TNFRSF25: variants seen among roughly 807,000 people sequenced by gnomAD.
TNFRSF25 encodes tumor necrosis factor receptor superfamily member 25.
TNFRSF25 carries 28 observed loss-of-function variants against 49.4 expected under a neutral mutation model. The ratio of observed to expected loss-of-function variants is 0.57; its 90% CI spans 0.42 to 0.78. The LOEUF is 0.78. TNFRSF25 is among the 30% of genes least tolerant of loss of function. The probability of loss-of-function intolerance (pLI) is 0.00; values close to 1 mark genes in which losing one functional copy is unlikely to be tolerated. For synonymous variants in TNFRSF25, 240 were observed against 234.2 expected (o/e 1.02, Z -0.23); for missense variants, 531 against 581.6 (o/e 0.91, Z 0.90).
At position 6,462,308 on chromosome 1, in the gene TNFRSF25, C is replaced by G; in HGVS notation, c.745-134G>C. On this transcript the variant is annotated intron_variant, in intron 8 of 9. Transcript: ENST00000356876. This position sits in a 1 kb window ranked among gnomAD's most constrained non-coding sequence, Gnocchi z 4.2. Reference sequence around the variant, plus strand: ...CGCAATGACACCTCCCACAGTTGGCCCTGCTCTCACTGTAGCCCAGCAGAA... The same window carrying G: ...CGCAATGACACCTCCCACAGTTGGCGCTGCTCTCACTGTAGCCCAGCAGAA... 2 of 1,262,620 alleles carry G rather than the reference C, an allele frequency of 1.6e-6. No homozygotes were observed. The highest frequency in any genetic ancestry group is 2.1e-6 in the Non-Finnish European group (2 of 930,670). The allele number at this position is 1,262,620 out of a possible 1,614,324, so 78.2% of individuals were successfully genotyped here.
intron 5 of TNFRSF25, chr1:6,464,141 G>A: frequency 1.0e-5 from 14 of 1,397,592 alleles, no homozygotes; most frequent in Non-Finnish European, 1.3e-5. Context: ...GATCGCTGGG[G>A]GGAATGCTGG....
At chr1:6,464,794 T>C (rs1309664940) in intron 3 of TNFRSF25, 75 bp from the exon 4 acceptor site, 1 of 1,525,798 alleles carries the variant, frequency 6.6e-7, no homozygotes, top group African/African-American at 1.4e-5. Flanking sequence ...GCAGAGGCAT[T>C]ATCCCAAGAT....
At chr1:6,463,967 A>T in intron 5 of TNFRSF25, 1 of 202,878 alleles carries the variant, frequency 4.9e-6, no homozygotes, top group Non-Finnish European at 8.7e-6. Flanking sequence ...TAATAGATTT[A>T]ATATTTATTT....
intron 3 of TNFRSF25, 117 bp from the exon 4 acceptor site, chr1:6,464,836 G>T: frequency 7.6e-7 from 1 of 1,316,872 alleles, no homozygotes; most frequent in Admixed American, 2.2e-5. Flanking sequence ...AAGACAGACA[G>T]GTACAGGGCT....
In TNFRSF25 at chr1:6,462,418, T is replaced by C; in HGVS notation, c.744+211A>G. 7.7e-7 allele frequency: 1 copy of C among 1,295,858 alleles called. No homozygotes were observed. The highest frequency in any genetic ancestry group is 1.0e-6 in the Non-Finnish European group (1 of 968,718). The allele number at this position is 1,295,858 out of a possible 1,614,324, so 80.3% of individuals were successfully genotyped here. ...TGGGGCTCTCCTTCCATTGAACTGT[T>C]AGCTCCTGTGTACGAATCTGAACTC... On this transcript the variant is annotated intron_variant, in intron 8 of 9. Transcript: ENST00000356876. This position sits in a 1 kb window ranked among gnomAD's most constrained non-coding sequence, Gnocchi z 4.2.
Position 6,462,290 on chromosome 1 carries a change from A to G in TNFRSF25, c.745-116T>C. 7.4e-7 allele frequency: 1 copy of G among 1,349,356 alleles called. No homozygotes were observed. Among genetic ancestry groups the G allele is most frequent in the East Asian group, 2.4e-5 (1 of 41,530 alleles). The allele number at this position is 1,349,356 out of a possible 1,614,324, so 83.6% of individuals were successfully genotyped here. A position where few individuals can be genotyped will look rare whatever the true frequency, so the allele number is the denominator to read the frequency against. ...TCAGTCAGCAGACACCCCCGCAATG[A>G]CACCTCCCACAGTTGGCCCTGCTCT... On this transcript the variant is annotated intron_variant, in intron 8 of 9. Coordinates refer to ENST00000356876, the MANE Select transcript of TNFRSF25 (RefSeq NM_003790.3). The surrounding 1 kb of genome is among the most constrained non-coding windows in gnomAD (Gnocchi z 4.2).
Position 6,462,530 on chromosome 1 carries a change from C to CTA in TNFRSF25, c.744+97_744+98dup. ...CTCCCAACACCTCTGTCCACTAGGG[C>CTA]TACCCGGTGCTGGCCGCGTGCCAAG... On this transcript the variant is annotated intron_variant, in intron 8 of 9. Transcript: ENST00000356876. This position sits in a 1 kb window ranked among gnomAD's most constrained non-coding sequence, Gnocchi z 4.2. The CTA allele has an allele frequency of 8.4e-6, 13 of 1,552,062 alleles. No homozygotes were observed. Among genetic ancestry groups the CTA allele is most frequent in the Non-Finnish European group, 1.1e-5 (13 of 1,150,470 alleles).
In TNFRSF25 at chr1:6,461,775, CAGAG is replaced by C. The variant is rs1557724883; in HGVS notation, c.926-17_926-14del. 1.3e-6 allele frequency: 2 copies of C among 1,503,316 alleles called. No homozygotes were observed. The highest frequency in any genetic ancestry group is 1.8e-6 in the Non-Finnish European group (2 of 1,127,578). The allele number at this position is 1,503,316 out of a possible 1,614,324, so 93.1% of individuals were successfully genotyped here. ...GCAGCAGCGGGGCCTGGGGCAGGGC[CAGAG>C]AGAGCCAATTGGGGTACGTGGGCCG... On this transcript the variant is annotated splice_polypyrimidine_tract_variant and intron_variant, in intron 9 of 9. Coordinates refer to ENST00000356876, the MANE Select transcript of TNFRSF25 (RefSeq NM_003790.3). The surrounding 1 kb of genome is among the most constrained non-coding windows in gnomAD (Gnocchi z 6.3).
chr1:6,463,217 A>G, intron 5 of TNFRSF25, 90 bp from the exon 6 acceptor site: 1 of 1,327,372 alleles, frequency 7.5e-7, no homozygotes, highest in Non-Finnish European at 1.0e-6. Context: ...CATCCTAGAG[A>G]CCCTTCCCTC....
At position 6,461,078 on chromosome 1, in the gene TNFRSF25, CG is replaced by C. The variant is rs1445107419; in HGVS notation, c.*355del. The C allele has an allele frequency of 4.0e-6, 2 of 501,340 alleles. No homozygotes were observed. The highest frequency in any genetic ancestry group is 3.9e-5 in the African/African-American group (2 of 51,398). 31.1% of individuals were successfully genotyped at this position (501,340 alleles called of 1,614,324 possible). On this transcript the variant is annotated 3_prime_UTR_variant, in exon 10 of 10. Coordinates refer to ENST00000356876, the MANE Select transcript of TNFRSF25 (RefSeq NM_003790.3). This position sits in a 1 kb window ranked among gnomAD's most constrained non-coding sequence, Gnocchi z 6.3. ...CCAGATCCCGGGGTGACAAGATTCC[CG>C]TCCCCTTCGAATCCCTCGAGAAAAG...
Position 6,462,981 on chromosome 1 carries a change from C to A in TNFRSF25, c.599-11G>T. 2.5e-6 allele frequency: 4 copies of A among 1,581,438 alleles called. No individual in the cohort carries two copies. In the South Asian group the frequency reaches 4.6e-5, roughly 18 times the overall value. On this transcript the variant is annotated splice_polypyrimidine_tract_variant and intron_variant, in intron 6 of 9. Transcript: ENST00000356876. This position sits in a 1 kb window ranked among gnomAD's most constrained non-coding sequence, Gnocchi z 4.2. ...CCTGGACCCAGAACACTGAAAGCAG[C>A]TGGTGGGTGTTGGGTGGTTGCCCCC...
chr1:6,465,130 G>A lies in TNFRSF25; in HGVS notation c.253C>T (p.His85Tyr), dbSNP rs777721102. The A allele has an allele frequency of 1.2e-6, 2 of 1,614,020 alleles. No individual in the cohort carries two copies. Among genetic ancestry groups the A allele is most frequent in the Admixed American group, 3.3e-5 (2 of 60,008 alleles). Residue 85 changes from histidine to tyrosine, a missense_variant, in exon 3 of 10, where the codon CAT (histidine) becomes TAT (tyrosine). His to Tyr is a moderately conservative substitution (Grantham distance 83). Transcript: ENST00000356876. ...TGGCAGCGGGCACATTCAGAATTAT[G>A]GTGGTTCTCCCAGGCCAAGAAGGTG... Reference protein sequence around the residue: ...QDTFLAWENHHNSECARCQAC... With the variant: ...QDTFLAWENHYNSECARCQAC...
Position 6,461,061 on chromosome 1 carries a change from C to T in TNFRSF25, c.*373G>A. The T allele has an allele frequency of 2.1e-6, 1 of 469,408 alleles. No homozygotes were observed. Among genetic ancestry groups the T allele is most frequent in the Non-Finnish European group, 4.3e-6 (1 of 231,102 alleles). 29.1% of individuals were successfully genotyped at this position (469,408 alleles called of 1,614,324 possible). On this transcript the variant is annotated 3_prime_UTR_variant, in exon 10 of 10. Transcript: ENST00000356876. The surrounding 1 kb of genome is among the most constrained non-coding windows in gnomAD (Gnocchi z 6.3). ...GGACTCCACCATGGGTGCCAGATCC[C>T]GGGGTGACAAGATTCCCGTCCCCTT...
rs755933770 is a variant in TNFRSF25 at position 6,464,485 on chromosome 1, G to GGACA, written c.464-36_464-33dup. 1.3e-5 allele frequency: 21 copies of GGACA among 1,611,886 alleles called. 1 individual carries two copies. The Admixed American group carries it at 2.7e-4, about 21-fold the overall frequency. On this transcript the variant is annotated intron_variant, in intron 4 of 9. Coordinates refer to ENST00000356876, the MANE Select transcript of TNFRSF25 (RefSeq NM_003790.3). ...TCCAGGAGAGGCATGCGTCACCATG[G>GGACA]GACAGGAGTGGGTCAGGCAGGGAGA...
In TNFRSF25 at chr1:6,464,472, A is replaced by C. The variant is rs1389722191; in HGVS notation, c.464-19T>G. On this transcript the variant is annotated intron_variant, in intron 4 of 9. Transcript: ENST00000356876. ...CGGGAACCTGCAATCCAGGAGAGGC[A>C]TGCGTCACCATGGGACAGGAGTGGG... 1.2e-6 allele frequency: 2 copies of C among 1,611,510 alleles called. No individual in the cohort carries two copies. The highest frequency in any genetic ancestry group is 1.7e-6 in the Non-Finnish European group (2 of 1,178,996).
intron 1 of TNFRSF25, 41 bp from the exon 2 acceptor site, chr1:6,465,601 C>T (rs750377822): frequency 5.0e-6 from 8 of 1,595,574 alleles, no homozygotes; most frequent in South Asian, 3.4e-5. Context: ...CAGCTGCCCA[C>T]GTGGGGCCTC....
In TNFRSF25 at chr1:6,462,535, C is replaced by A; in HGVS notation, c.744+94G>T. On this transcript the variant is annotated intron_variant, in intron 8 of 9. Transcript: ENST00000356876. This position sits in a 1 kb window ranked among gnomAD's most constrained non-coding sequence, Gnocchi z 4.2. ...AACACCTCTGTCCACTAGGGCTACC[C>A]GGTGCTGGCCGCGTGCCAAGCTCCA... The A allele has an allele frequency of 1.9e-6, 3 of 1,557,130 alleles. No individual in the cohort carries two copies. Among genetic ancestry groups the A allele is most frequent in the Non-Finnish European group, 2.6e-6 (3 of 1,152,652 alleles).
Position 6,464,557 on chromosome 1 carries a change from A to G in TNFRSF25, c.458T>C (p.Leu153Pro). 6.2e-7 allele frequency: 1 copy of G among 1,614,152 alleles called. No individual in the cohort carries two copies. The highest frequency in any genetic ancestry group is 8.5e-7 in the Non-Finnish European group (1 of 1,180,028). The change falls in exon 4 of 10, where the codon CTA becomes CCA. Residue 153 changes from leucine to proline, a missense_variant. Leu to Pro is a moderately conservative substitution (Grantham distance 98). Coordinates refer to ENST00000356876, the MANE Select transcript of TNFRSF25 (RefSeq NM_003790.3). ...DCGALHRHTR[L>P]LCSRRDTDCG... ...CCCTGGGTGGGGGTACTCACAGAGT[A>G]GCCGTGTGTGGCGGTGCAGGGCCCC...
intron 5 of TNFRSF25, 94 bp from the exon 6 acceptor site, chr1:6,463,221 T>G (rs571054176): frequency 5.6e-5 from 73 of 1,292,418 alleles, no homozygotes; most frequent in Non-Finnish European, 7.4e-5. Context: ...CTAGAGACCC[T>G]TCCCTCCCCA....
Sources: gnomAD v4.1 joint callset for allele counts on GRCh38, gnomAD v4.1.1 for gene constraint, Gnocchi (gnomAD v3.1) non-coding constraint, MANE v1.5 for transcripts, NCBI Gene and HGNC (gene_info 2026-07-23, HGNC 2026-07-21) for gene names.